ITPR2: variants seen among roughly 807,000 people sequenced by gnomAD.
ITPR2 encodes the protein inositol 1,4,5-trisphosphate receptor type 2, also known as inositol 1,4,5-trisphosphate-gated calcium channel ITPR2.
ITPR2 carries 207 observed loss-of-function variants against 317.1 expected under a neutral mutation model. That is an observed-to-expected ratio of 0.65 (90% CI 0.58 to 0.73). The LOEUF (loss-of-function observed/expected upper bound fraction) is 0.73. Among genes scored for constraint, ITPR2 ranks in the 30% least tolerant of loss-of-function variants. ITPR2 has a pLI of 0.00. For missense variants in ITPR2, 2,613 were observed against 3,284.0 expected (o/e 0.80, Z 4.99); for synonymous variants, 1,156 against 1,149.1 (o/e 1.01, Z -0.12).
chr12:26,743,527 C>T (rs12816224), intron 2 of ITPR2, among the ~76,000 whole-genome samples: 25,719 of 151,992 alleles, frequency 0.17, 2,679 homozygotes, highest in Non-Finnish European at 0.24. Flanking sequence ...GATGTAAATC[C>T]CTAGAACCAA....
At chr12:26,760,818 A>G (rs1440881383) in intron 2 of ITPR2, among the ~76,000 whole-genome samples, 1 of 152,238 alleles carries the variant, frequency 6.6e-6, no homozygotes, top group African/African-American at 2.4e-5. Flanking sequence ...CTCCTAGGAA[A>G]ATACTCTATT....
At chr12:26,800,136 G>C (rs956280687) in intron 1 of ITPR2, among the ~76,000 whole-genome samples, 3 of 151,948 alleles carry the variant, frequency 2.0e-5, no homozygotes, top group Non-Finnish European at 2.9e-5. Flanking sequence ...GTTTCTGTCT[G>C]CTTTTGGTCA....
In ITPR2 at chr12:26,550,305, A is replaced by C. The variant is rs749002291; in HGVS notation, c.5015T>G (p.Ile1672Ser). 2.9e-5 allele frequency: 45 copies of C among 1,550,446 alleles called. No homozygotes were observed. In the Admixed American group the frequency reaches 6.7e-4, roughly 23 times the overall value. Residue 1672 changes from isoleucine to serine, a missense_variant, in exon 37 of 57, where the codon ATT (isoleucine) becomes AGT (serine). Physicochemically the swap from Ile to Ser is moderately radical, Grantham distance 142. Transcript: ENST00000381340. ...KLMEKEEKLCIKILQTLREML... is the reference protein window; with the variant it reads ...KLMEKEEKLCSKILQTLREML... ...TTCTCGTAATGTCTGAAGAATTTTA[A>C]TGCACAGTTTTTCTTCTTTCTCCAT...
At chr12:26,753,638 C>T (rs148490095) in intron 2 of ITPR2, among the ~76,000 whole-genome samples, 1 of 152,184 alleles carries the variant, frequency 6.6e-6, no homozygotes, top group Non-Finnish European at 1.5e-5. Flanking sequence ...CACTGTTTAT[C>T]TTCTGTAAAG....
intron 55 of ITPR2, among the ~76,000 whole-genome samples, chr12:26,382,678 A>C (rs76398402): frequency 0.034 from 5,140 of 150,570 alleles, 94 homozygotes; most frequent in Middle Eastern, 0.044. Flanking sequence ...CACACACACA[A>C]AAAAAAAGAA....
At chr12:26,677,321 C>A (rs1318190834) in intron 13 of ITPR2, among the ~76,000 whole-genome samples, 1 of 152,106 alleles carries the variant, frequency 6.6e-6, no homozygotes. Flanking sequence ...GACTATCAGC[C>A]AGGCACGGTG....
intron 54 of ITPR2, 65 bp downstream of exon 54, chr12:26,398,811 C>A: frequency 7.3e-7 from 1 of 1,373,840 alleles, no homozygotes; most frequent in South Asian, 1.4e-5. Context: ...ATAAAAATCC[C>A]TCTAGCCCCT....
At chr12:26,638,544 C>T (rs1055942742) in intron 21 of ITPR2, among the ~76,000 whole-genome samples, 4 of 152,142 alleles carry the variant, frequency 2.6e-5, no homozygotes, top group Non-Finnish European at 4.4e-5. Context: ...CATGTATTGG[C>T]TAATGTAGAG....
chr12:26,568,010 AT>A lies in ITPR2; in HGVS notation c.4631-6059del, dbSNP rs1209337460. ...TATATATATATATTATATATATTAT[AT>A]ATATATATATATATATATATAAAAT... On this transcript the variant is annotated intron_variant, in intron 34 of 56. Coordinates refer to ENST00000381340, the MANE Select transcript of ITPR2 (RefSeq NM_002223.4). Among the ~76,000 whole-genome samples, 14 of 6,502 alleles carry A rather than the reference AT, an allele frequency of 2.2e-3. 1 individual carries two copies. Among genetic ancestry groups the A allele is most frequent in the African/African-American group, 3.7e-3 (12 of 3,236 alleles). The allele number at this position is 6,502 out of a possible 152,430, so 4.3% of individuals were successfully genotyped here.
rs531267967 is a variant in ITPR2, at chr12:26,433,724, G to C, written c.6769+2497C>G. On this transcript the variant is annotated intron_variant, in intron 48 of 56. Coordinates refer to ENST00000381340, the MANE Select transcript of ITPR2 (RefSeq NM_002223.4). ...ATGAATAAGGCACAATAGTAAAGAC[G>C]ACCCAGGGAATTCTGAGTGGGTATC... Among the ~76,000 whole-genome samples the C allele has an allele frequency of 4.4e-4, 67 of 152,230 alleles. No homozygotes were observed. The South Asian group carries it at 6.8e-3, about 16-fold the overall frequency.
At chr12:26,765,402 T>C (rs903238323) in intron 2 of ITPR2, among the ~76,000 whole-genome samples, 4 of 152,090 alleles carry the variant, frequency 2.6e-5, no homozygotes, top group Non-Finnish European at 5.9e-5. Flanking sequence ...CAAGGCCTTA[T>C]AAATATGTCT....
At chr12:26,484,264 G>A (rs964626778) in intron 41 of ITPR2, among the ~76,000 whole-genome samples, 1 of 149,902 alleles carries the variant, frequency 6.7e-6, no homozygotes, top group African/African-American at 2.4e-5. Flanking sequence ...ATGGGAAGTC[G>A]GAAAAAGAGA....
chr12:26,796,848 G>T (rs140866506), intron 1 of ITPR2, among the ~76,000 whole-genome samples: 2 of 152,016 alleles, frequency 1.3e-5, no homozygotes, highest in East Asian at 3.9e-4. Context: ...TGGCCAACAT[G>T]GTGAAACCAC....
chr12:26,808,296 T>G (rs1592149523), intron 1 of ITPR2, among the ~76,000 whole-genome samples: 1 of 152,234 alleles, frequency 6.6e-6, no homozygotes, highest in East Asian at 1.9e-4. Context: ...GCTTCTATTT[T>G]GCTTATTTGG....
At chr12:26,577,403 T>G (rs1257670302) in intron 34 of ITPR2, among the ~76,000 whole-genome samples, 1 of 152,244 alleles carries the variant, frequency 6.6e-6, no homozygotes, top group Non-Finnish European at 1.5e-5. Context: ...GGCATCTTTA[T>G]CAGTTGAATT....
rs1454200958 is a variant in ITPR2 at position 26,336,319 on chromosome 12, A to G, written c.*3078T>C. Among the ~76,000 whole-genome samples, 1 of 152,172 alleles carries G rather than the reference A, an allele frequency of 6.6e-6. No homozygotes were observed. Among genetic ancestry groups the G allele is most frequent in the Non-Finnish European group, 1.5e-5 (1 of 68,034 alleles). On this transcript the variant is annotated 3_prime_UTR_variant, in exon 57 of 57. Transcript: ENST00000381340. Reference sequence around the variant, plus strand: ...AATGAAACAATTGTAAAATAAAGAGAGCAGCCAAAACAGGGAGTTATGAGC... The same window carrying G: ...AATGAAACAATTGTAAAATAAAGAGGGCAGCCAAAACAGGGAGTTATGAGC...
At chr12:26,711,093 G>A (rs548186781) in intron 9 of ITPR2, 80 bp downstream of exon 9, 756 of 858,126 alleles carry the variant, frequency 8.8e-4, no homozygotes, top group Non-Finnish European at 1.3e-3. Flanking sequence ...CTGCAAATAC[G>A]ATGTCTTGTG....
intron 55 of ITPR2, among the ~76,000 whole-genome samples, chr12:26,371,353 A>G (rs1939184345): frequency 6.6e-6 from 1 of 152,198 alleles, no homozygotes; most frequent in African/African-American, 2.4e-5. Context: ...TCATTCATTT[A>G]CTCAATAAAT....
At chr12:26,633,116 G>T (rs957462669) in intron 21 of ITPR2, among the ~76,000 whole-genome samples, 5 of 143,332 alleles carry the variant, frequency 3.5e-5, no homozygotes, top group Non-Finnish European at 7.5e-5. Flanking sequence ...AAGAGAAATG[G>T]AAATAAGATG....
Sources: gnomAD v4.1 joint callset for allele counts (sites outside exome capture counted in the v4.1 genomes callset) on GRCh38, gnomAD v4.1.1 for gene constraint, MANE v1.5 for transcripts, NCBI Gene and HGNC (gene_info 2026-07-23, HGNC 2026-07-21) for gene names.